CLRN3: variants seen among roughly 807,000 people sequenced by gnomAD.
CLRN3 encodes clarin-3.
A neutral mutation model predicts 16.7 loss-of-function variants in CLRN3; 12 were observed. That is an observed-to-expected ratio of 0.72 (90% CI 0.46 to 1.16). The LOEUF is 1.16. Ranked by LOEUF, CLRN3 falls within the 50% of genes most tolerant of loss-of-function variation. The probability of loss-of-function intolerance (pLI) is 0.00; values close to 1 mark genes in which losing one functional copy is unlikely to be tolerated. For synonymous variants in CLRN3, 118 were observed against 113.0 expected, an observed-to-expected ratio of 1.04 and a Z score of -0.28; for missense variants, 296 against 274.2, an observed-to-expected ratio of 1.08 and a Z score of -0.56.
intron 2 of CLRN3, among the ~76,000 whole-genome samples, chr10:127,880,253 T>C (rs192432157): frequency 6.6e-6 from 1 of 152,266 alleles, no homozygotes; most frequent in African/African-American, 2.4e-5. Context: ...TCTAAATGCT[T>C]TTTTCCAGAG....
At chr10:127,882,136 C>T (rs1434772355) in intron 2 of CLRN3, among the ~76,000 whole-genome samples, 1 of 152,210 alleles carries the variant, frequency 6.6e-6, no homozygotes, top group East Asian at 1.9e-4. Flanking sequence ...TAACCTCTGA[C>T]ACTCAGCTCT....
At chr10:127,889,665 A>G (rs751869028) in intron 1 of CLRN3, among the ~76,000 whole-genome samples, 21 of 152,156 alleles carry the variant, frequency 1.4e-4, no homozygotes, top group Non-Finnish European at 2.8e-4. Context: ...TATCATAAAC[A>G]CTTTTCCTGT....
In CLRN3 at chr10:127,892,812, C is replaced by T; in HGVS notation, c.-28G>A. ...TCACAGGAAAATAAGTTCTCTAGGA[C>T]AAAAAAAGGAATATCTTCTTATAAC... On this transcript the variant is annotated 5_prime_UTR_variant, in exon 1 of 3. Coordinates refer to ENST00000368671, the MANE Select transcript of CLRN3 (RefSeq NM_152311.5). 2.2e-6 allele frequency: 3 copies of T among 1,336,916 alleles called. No individual in the cohort carries two copies. The highest frequency in any genetic ancestry group is 1.2e-5 in the South Asian group (1 of 83,344). 82.8% of individuals were successfully genotyped at this position (1,336,916 alleles called of 1,614,324 possible). A position where few individuals can be genotyped will look rare whatever the true frequency, so the allele number is the denominator to read the frequency against.
intron 2 of CLRN3, 57 bp from the exon 3 acceptor site, chr10:127,878,477 T>C: frequency 6.3e-7 from 1 of 1,597,950 alleles, no homozygotes; most frequent in Non-Finnish European, 8.5e-7. Flanking sequence ...TAATGTCACT[T>C]ATCTTTATGG....
intron 2 of CLRN3, among the ~76,000 whole-genome samples, chr10:127,881,587 C>A (rs72845047): frequency 1.3e-4 from 20 of 152,326 alleles, no homozygotes; most frequent in Non-Finnish European, 2.6e-4. Flanking sequence ...AGGGCCGATT[C>A]CAGCCCCAGC....
intron 2 of CLRN3, among the ~76,000 whole-genome samples, chr10:127,883,377 C>G (rs75714391): frequency 0.027 from 4,097 of 152,290 alleles, 65 homozygotes; most frequent in Non-Finnish European, 0.043. Context: ...GTTTGGAGTT[C>G]AGCACATGGC....
intron 1 of CLRN3, among the ~76,000 whole-genome samples, chr10:127,891,755 A>G (rs533179996): frequency 7.0e-4 from 106 of 152,260 alleles, no homozygotes; most frequent in Non-Finnish European, 1.4e-3. Context: ...ATGCATATTT[A>G]TAAGTCAAAA....
intron 2 of CLRN3, among the ~76,000 whole-genome samples, chr10:127,880,068 C>G (rs1845109755): frequency 6.6e-6 from 1 of 152,278 alleles, no homozygotes; most frequent in Non-Finnish European, 1.5e-5. Context: ...TTAAACACTC[C>G]TTGATGACAG....
intron 1 of CLRN3, among the ~76,000 whole-genome samples, chr10:127,891,219 G>A (rs946788556): frequency 6.6e-6 from 1 of 152,216 alleles, no homozygotes; most frequent in Non-Finnish European, 1.5e-5. Context: ...GCCAGGTCCT[G>A]ACACATCCTG....
chr10:127,886,519 G>T (rs1269384772), intron 1 of CLRN3, among the ~76,000 whole-genome samples: 3 of 152,200 alleles, frequency 2.0e-5, no homozygotes, highest in Admixed American at 1.3e-4. Context: ...AAGCAGCAAT[G>T]ACTGGTAACC....
intron 1 of CLRN3, among the ~76,000 whole-genome samples, chr10:127,888,629 G>A (rs926579473): frequency 6.3e-4 from 96 of 152,276 alleles, no homozygotes; most frequent in Non-Finnish European, 7.9e-4. Flanking sequence ...AGACTAGCGG[G>A]TGGGGGAGTG....
At chr10:127,883,269 CATGTGT>C (rs924903186) in intron 2 of CLRN3, among the ~76,000 whole-genome samples, 13 of 52,002 alleles carry the variant, frequency 2.5e-4, no homozygotes, top group African/African-American at 6.9e-4. Context: ...CTGGTGTGTT[CATGTGT>C]GTGTGTGTGT....
chr10:127,884,086 G>A (rs569847446), intron 1 of CLRN3, among the ~76,000 whole-genome samples: 10 of 152,202 alleles, frequency 6.6e-5, no homozygotes, highest in Admixed American at 1.3e-4. Context: ...GTATAACCGC[G>A]ACACTACAGA....
rs1845077598 is a variant in CLRN3, at chr10:127,877,938, A to G, written c.*211T>C. 1 of 581,326 alleles carries G rather than the reference A, an allele frequency of 1.7e-6. No homozygotes were observed. The highest frequency in any genetic ancestry group is 3.0e-6 in the Non-Finnish European group (1 of 330,698). The allele number at this position is 581,326 out of a possible 1,614,324, so 36.0% of individuals were successfully genotyped here. On this transcript the variant is annotated 3_prime_UTR_variant, in exon 3 of 3. Transcript: ENST00000368671. ...ATGATACTACTGCTTTGAATACCAC[A>G]CAGACCAGCGACATTTCCCATTCAT... is the stretch of plus-strand genomic sequence containing the variant.
At chr10:127,890,771 C>T (rs930017357) in intron 1 of CLRN3, among the ~76,000 whole-genome samples, 1 of 151,898 alleles carries the variant, frequency 6.6e-6, no homozygotes, top group Non-Finnish European at 1.5e-5. Flanking sequence ...AGAAGCATCC[C>T]GGGATCGTTA....
At chr10:127,888,013 T>C (rs758641543) in intron 1 of CLRN3, among the ~76,000 whole-genome samples, 5 of 152,186 alleles carry the variant, frequency 3.3e-5, no homozygotes, top group Non-Finnish European at 7.3e-5. Flanking sequence ...CATCCGGACA[T>C]CTGGGCTCCC....
intron 1 of CLRN3, among the ~76,000 whole-genome samples, chr10:127,891,902 C>T (rs991455901): frequency 3.4e-4 from 52 of 152,048 alleles, no homozygotes; most frequent in African/African-American, 1.2e-3. Flanking sequence ...GTTATCAAAC[C>T]TCAAAAGTCA....
chr10:127,883,283 T>C (rs1845151219), intron 2 of CLRN3, among the ~76,000 whole-genome samples: 1 of 151,984 alleles, frequency 6.6e-6, no homozygotes, highest in South Asian at 2.1e-4. Flanking sequence ...TGTGTGTGTG[T>C]GTGTGTGCAC....
At chr10:127,885,721 C>T (rs558986870) in intron 1 of CLRN3, among the ~76,000 whole-genome samples, 2 of 152,290 alleles carry the variant, frequency 1.3e-5, no homozygotes, top group South Asian at 2.1e-4. Flanking sequence ...GCTGGAACTA[C>T]AGGATGTGCC....
Sources: gnomAD v4.1 joint callset for allele counts (sites outside exome capture counted in the v4.1 genomes callset) on GRCh38, gnomAD v4.1.1 for gene constraint, MANE v1.5 for transcripts, NCBI Gene and HGNC (gene_info 2026-07-23, HGNC 2026-07-21) for gene names.